The following RMDN1 variants were observed in gnomAD, a reference collection of about 807,000 sequenced individuals.
RMDN1 encodes the protein regulator of microtubule dynamics protein 1.
A neutral mutation model predicts 48.9 loss-of-function variants in RMDN1; 48 were observed. The ratio of observed to expected loss-of-function variants is 0.98; its 90% CI spans 0.78 to 1.25. The LOEUF (loss-of-function observed/expected upper bound fraction) is 1.25. Among genes scored for constraint, RMDN1 ranks in the 50% most tolerant of loss-of-function variants. The pLI is 0.00. For synonymous variants in RMDN1, 148 were observed against 132.6 expected, an observed-to-expected ratio of 1.12 and a Z score of -0.80; for missense variants, 418 against 373.4, an observed-to-expected ratio of 1.12 and a Z score of -0.98.
chr8:86,510,751 T>C (rs1194094852), upstream of RMDN1, among the ~76,000 whole-genome samples: 1 of 152,232 alleles, frequency 6.6e-6, no homozygotes, highest in African/African-American at 2.4e-5. Context: ...CAGCAACTGA[T>C]AACTAATATA....
At chr8:86,513,580 A>C (rs1182651177), upstream of RMDN1, among the ~76,000 whole-genome samples, 1 of 152,190 alleles carries the variant, frequency 6.6e-6, no homozygotes, top group Non-Finnish European at 1.5e-5. Flanking sequence ...TCCAGCCTGC[A>C]CTTTGAGGTT....
At chr8:86,513,073 C>A (rs368177372), upstream of RMDN1, among the ~76,000 whole-genome samples, 19 of 134,956 alleles carry the variant, frequency 1.4e-4, no homozygotes, top group East Asian at 4.1e-3. Context: ...TTTTTCTTAT[C>A]AATTTAAATG....
At chr8:86,503,385 A>AAAAAAAAAAAAAACAAAACAAAAC (rs1554594088) in intron 2 of RMDN1, among the ~76,000 whole-genome samples, 1 of 81,094 alleles carries the variant, frequency 1.2e-5, no homozygotes, top group African/African-American at 6.8e-5. Context: ...AAAAAAAAAA[A>AAAAAAAAAAAAAACAAAACAAAAC]AAAACAAAAA....
chr8:86,503,390 C>CAAAACAAAACAAAACAAAACA (rs1491204153), intron 2 of RMDN1, among the ~76,000 whole-genome samples: 2 of 56,588 alleles, frequency 3.5e-5, no homozygotes, highest in Non-Finnish European at 7.0e-5. Context: ...AAAAAAAAAA[C>CAAAACAAAACAAAACAAAACA]AAAAAAAAAT....
chr8:86,503,391 A>AAAAC (rs1347613622), intron 2 of RMDN1, among the ~76,000 whole-genome samples: 3 of 45,016 alleles, frequency 6.7e-5, no homozygotes, highest in African/African-American at 1.8e-4. Context: ...AAAAAAAAAC[A>AAAAC]AAAAAAAATA....
chr8:86,475,140 A>G, intron 8 of RMDN1, 187 bp from the exon 9 acceptor site: 1 of 514,230 alleles, frequency 1.9e-6, no homozygotes, highest in East Asian at 3.3e-5. Context: ...TTACCAATGA[A>G]TAAACATCTA....
At chr8:86,469,732 A>G (rs952383635), downstream of RMDN1, among the ~76,000 whole-genome samples, 24 of 152,252 alleles carry the variant, frequency 1.6e-4, 1 homozygote, top group Admixed American at 1.4e-3. Context: ...TGTAACACTC[A>G]GTTGGCCTTA....
At chr8:86,488,134 G>C (rs1309327676) in intron 3 of RMDN1, among the ~76,000 whole-genome samples, 2 of 152,064 alleles carry the variant, frequency 1.3e-5, no homozygotes, top group Non-Finnish European at 2.9e-5. Context: ...TCCTTCTAAA[G>C]TAATACACAG....
At chr8:86,496,685 A>G (rs1358736434) in intron 2 of RMDN1, among the ~76,000 whole-genome samples, 1 of 152,232 alleles carries the variant, frequency 6.6e-6, no homozygotes, top group East Asian at 1.9e-4. Flanking sequence ...TAACCACACC[A>G]TAATACTGAG....
At chr8:86,513,340 A>T (rs1458672717), upstream of RMDN1, among the ~76,000 whole-genome samples, 2 of 152,182 alleles carry the variant, frequency 1.3e-5, no homozygotes, top group Non-Finnish European at 2.9e-5. Flanking sequence ...GCGCCATTGC[A>T]CTCCAGCTTG....
chr8:86,479,105 ACTGTATGTT>A (rs1813890412), intron 6 of RMDN1, 95 bp from the exon 7 acceptor site: 1 of 892,840 alleles, frequency 1.1e-6, no homozygotes, highest in South Asian at 1.5e-5. Context: ...GGAATCTTCT[ACTGTATGTT>A]TAAACAACTT....
Position 86,486,612 on chromosome 8 carries a change from G to T in RMDN1, c.367C>A (p.Arg123=). The change falls in exon 4 of 10, where the codon CGG becomes AGG. Residue 123 remains arginine, a synonymous_variant. Coordinates refer to ENST00000406452, the MANE Select transcript of RMDN1 (RefSeq NM_016033.3). The part of the protein sequence containing the change: ...EDAELLWRLA[R]ASRDVAQLSR... ...AGCTGAGCTACATCACGTGATGCCC[G>T]TGCCAAACGCCACAGTAACTCTGCA... 6.2e-7 allele frequency: 1 copy of T among 1,602,120 alleles called. No homozygotes were observed. Among genetic ancestry groups the T allele is most frequent in the Non-Finnish European group, 8.5e-7 (1 of 1,174,044 alleles).
chr8:86,499,580 G>T (rs556514797), intron 2 of RMDN1, among the ~76,000 whole-genome samples: 1 of 152,182 alleles, frequency 6.6e-6, no homozygotes, highest in East Asian at 1.9e-4. Flanking sequence ...TCATGGACAG[G>T]AAGAATCAAT....
intron 5 of RMDN1, chr8:86,482,802 C>T (rs1201032420): frequency 2.1e-6 from 2 of 973,068 alleles, no homozygotes; most frequent in Non-Finnish European, 3.4e-6. Flanking sequence ...TATCAGAACC[C>T]AAAATGGAGA....
At chr8:86,504,349 A>G (rs935343229) in intron 2 of RMDN1, 3 of 1,578,006 alleles carry the variant, frequency 1.9e-6, no homozygotes, top group Admixed American at 1.7e-5. Flanking sequence ...AAAGCAAGTC[A>G]CCGTGCTGGA....
chr8:86,472,300 C>T, downstream of RMDN1: 1 of 622,342 alleles, frequency 1.6e-6, no homozygotes, highest in Admixed American at 2.9e-5. Context: ...AATGATGCTA[C>T]AGGTAGAAAA....
rs1354324383 is a variant in RMDN1, at chr8:86,503,366, C to CAAAAAAAAAAAAAAAAAAAAAA, written c.247+3628_247+3629insTTTTTTTTTTTTTTTTTTTTTT. ...GACTCCGTCTCAAAACAAAACAAAA[C>CAAAAAAAAAAAAAAAAAAAAAA]AAAACAAAAAAAAAAAAAAAAAACA... On this transcript the variant is annotated intron_variant, in intron 2 of 9. Coordinates refer to ENST00000406452, the MANE Select transcript of RMDN1 (RefSeq NM_016033.3). Among the ~76,000 whole-genome samples, 41 of 70,414 alleles carry CAAAAAAAAAAAAAAAAAAAAAA rather than the reference C, an allele frequency of 5.8e-4. 3 individuals are homozygous for CAAAAAAAAAAAAAAAAAAAAAA. The highest frequency in any genetic ancestry group is 9.7e-4 in the Non-Finnish European group (27 of 27,852). 46.2% of individuals were successfully genotyped at this position (70,414 alleles called of 152,430 possible).
intron 2 of RMDN1, among the ~76,000 whole-genome samples, chr8:86,492,248 G>A (rs1420608026): frequency 6.6e-6 from 1 of 152,184 alleles, no homozygotes; most frequent in African/African-American, 2.4e-5. Flanking sequence ...GAACCTTTAA[G>A]TTGGGCACTT....
At chr8:86,512,239 G>A (rs1484206453), upstream of RMDN1, among the ~76,000 whole-genome samples, 1 of 152,150 alleles carries the variant, frequency 6.6e-6, no homozygotes, top group African/African-American at 2.4e-5. Context: ...TGAAGGTTAG[G>A]TATGGATACT....
Sources: gnomAD v4.1 joint callset for allele counts (sites outside exome capture counted in the v4.1 genomes callset) on GRCh38, gnomAD v4.1.1 for gene constraint, MANE v1.5 for transcripts, NCBI Gene and HGNC (gene_info 2026-07-23, HGNC 2026-07-21) for gene names.